Variants in TAB3 observed in about 807,000 individuals in gnomAD.
TAB3 encodes TGF-beta activated kinase 1 (MAP3K7) binding protein 3.
A neutral mutation model predicts 48.1 loss-of-function variants in TAB3; 18 were observed. That is an observed-to-expected ratio of 0.37 (90% CI 0.26 to 0.55). TAB3 has a LOEUF of 0.55. Ranked by LOEUF, TAB3 falls within the 20% of genes least tolerant of loss-of-function variation. The pLI, the probability that TAB3 is intolerant of heterozygous loss-of-function variation, is 0.78. For missense variants in TAB3, 414 were observed against 549.8 expected, an observed-to-expected ratio of 0.75 and a Z score of 2.47; for synonymous variants, 185 against 190.2, an observed-to-expected ratio of 0.97 and a Z score of 0.22.
chrX:30,831,847 G>C (rs1278788341), intron 10 of TAB3, among the ~76,000 whole-genome samples: 1 of 111,990 alleles, frequency 8.9e-6, no homozygotes, highest in African/African-American at 3.2e-5. Flanking sequence ...CCTGTAAATA[G>C]CGGAGAGTTA....
Position 30,855,082 on chromosome X carries a change from T to C in TAB3, c.583A>G (p.Ile195Val). 2.5e-6 allele frequency: 3 copies of C among 1,211,575 alleles called. No individual in the cohort carries two copies. Among genetic ancestry groups the C allele is most frequent in the Non-Finnish European group, 3.4e-6 (3 of 895,463 alleles). The stretch of plus-strand genomic sequence containing the variant: ...AGGTTCTGGGATACTGTAACAGTAA[T>C]TGGATTTGTACTATACCGAGGTATG... ...MHIPRYSTNP[I>V]TVTVSQNLPS... Residue 195 changes from isoleucine to valine, a missense_variant, in exon 6 of 11, where the codon ATT (isoleucine) becomes GTT (valine). Transcript: ENST00000288422.
intron 8 of TAB3, chrX:30,844,870 A>G (rs1459109165): frequency 8.9e-6 from 1 of 112,751 alleles, no homozygotes; most frequent in African/African-American, 3.2e-5. Context: ...TGCCTAGGCT[A>G]GAGTGCAGCG....
chrX:30,862,544 G>A (rs1939281145), intron 4 of TAB3, among the ~76,000 whole-genome samples: 1 of 111,648 alleles, frequency 9.0e-6, no homozygotes, highest in Non-Finnish European at 1.9e-5. Context: ...GAGATCTTGA[G>A]AGCGGCCAGC....
chrX:30,857,792 CT>C (rs1939124036), intron 5 of TAB3, among the ~76,000 whole-genome samples: 1 of 111,608 alleles, frequency 9.0e-6, no homozygotes, highest in Admixed American at 9.5e-5. Context: ...TGTTAAATGT[CT>C]TTAAAGAAAA....
At chrX:30,886,555 C>T (rs1428521595) in intron 1 of TAB3, among the ~76,000 whole-genome samples, 1 of 111,900 alleles carries the variant, frequency 8.9e-6, no homozygotes, top group Non-Finnish European at 1.9e-5. Flanking sequence ...ACACAAGACT[C>T]CTTTTTCTGT....
At chrX:30,845,002 A>G (rs1938575088) in intron 8 of TAB3, 1 of 111,920 alleles carries the variant, frequency 8.9e-6, no homozygotes, top group Non-Finnish European at 1.9e-5. Context: ...TTAAAAAATT[A>G]TTTGTAGGGA....
intron 1 of TAB3, among the ~76,000 whole-genome samples, chrX:30,873,264 G>C (rs1352423197): frequency 9.0e-6 from 1 of 111,468 alleles, no homozygotes; most frequent in Non-Finnish European, 1.9e-5. Context: ...ACGGCCGGGC[G>C]CGGTGGCTCA....
chrX:30,827,758 G>A lies in TAB3; in HGVS notation c.*3669C>T, dbSNP rs981256302. The A allele has an allele frequency of 5.4e-5, 6 of 112,136 alleles. No individual in the cohort carries two copies. Among genetic ancestry groups the A allele is most frequent in the Non-Finnish European group, 1.1e-4 (6 of 53,166 alleles). 9.2% of individuals were successfully genotyped at this position (112,136 alleles called of 1,213,427 possible). A position where few individuals can be genotyped will look rare whatever the true frequency, so the allele number is the denominator to read the frequency against. On this transcript the variant is annotated 3_prime_UTR_variant, in exon 11 of 11. Coordinates refer to ENST00000288422, the MANE Select transcript of TAB3 (RefSeq NM_152787.5). ...TTCATGGCTTTAGAATTAAAATTGA[G>A]TCATCATTCTATTAATCTCTGAATG...
At chrX:30,888,882 CCT>C (rs1456051684) in intron 1 of TAB3, among the ~76,000 whole-genome samples, 5 of 113,239 alleles carry the variant, frequency 4.4e-5, no homozygotes, top group Middle Eastern at 4.7e-3. Flanking sequence ...CTCCCTCTCC[CCT>C]CGGCCTCTCG....
At chrX:30,835,836 T>C (rs1938188499) in intron 9 of TAB3, 1 of 112,610 alleles carries the variant, frequency 8.9e-6, no homozygotes, top group Non-Finnish European at 1.9e-5. Flanking sequence ...AGATAAACTA[T>C]ATTAATTACA....
chrX:30,878,623 A>T (rs1268562066), intron 1 of TAB3, among the ~76,000 whole-genome samples: 3 of 111,636 alleles, frequency 2.7e-5, no homozygotes, highest in African/African-American at 9.8e-5. Flanking sequence ...ATCAATGGAC[A>T]TATATAGAAT....
intron 1 of TAB3, among the ~76,000 whole-genome samples, chrX:30,888,524 G>T (rs1340363780): frequency 8.9e-6 from 1 of 112,277 alleles, no homozygotes; most frequent in African/African-American, 3.2e-5. Flanking sequence ...GTAAACTACA[G>T]AACTCCAACT....
Position 30,859,500 on chromosome X carries a change from T to C in TAB3, c.89A>G (p.Gln30Arg). The change falls in exon 5 of 11, where the codon CAG becomes CGG. Residue 30 changes from glutamine to arginine, a missense_variant. Physicochemically the swap from Gln to Arg is conservative, Grantham distance 43. Coordinates refer to ENST00000288422, the MANE Select transcript of TAB3 (RefSeq NM_152787.5). Reference protein sequence around the residue: ...FPEIPEGVVSQCMLQNNNNLE... With the variant: ...FPEIPEGVVSRCMLQNNNNLE... The stretch of plus-strand genomic sequence containing the variant: ...TAGGTAACTTACCTGTAACATGCAC[T>C]GAGACACCACGCCCTCTGGAATTTC... The C allele has an allele frequency of 3.3e-6, 4 of 1,207,707 alleles. No homozygotes were observed. Among genetic ancestry groups the C allele is most frequent in the Non-Finnish European group, 4.5e-6 (4 of 892,676 alleles).
chrX:30,850,903 A>G (rs1444514639), intron 7 of TAB3, among the ~76,000 whole-genome samples: 1 of 110,804 alleles, frequency 9.0e-6, no homozygotes, highest in African/African-American at 3.3e-5. Context: ...AGTAGTTGCT[A>G]AATAAAATGT....
Position 30,831,548 on chromosome X carries a change from G to C in TAB3, c.2018C>G (p.Pro673Arg), listed in dbSNP as rs1938033228. 8.3e-7 allele frequency: 1 copy of C among 1,209,290 alleles called. No homozygotes were observed. The highest frequency in any genetic ancestry group is 1.8e-5 in the African/African-American group (1 of 57,014). ...GTCTTCATCTCGAGGTTGTGTCCGA[G>C]GACTTTGTGTGGAGCCAGTTCGATG... is the stretch of plus-strand genomic sequence containing the variant. ...DEHRTGSTQS[P>R]RTQPRDEDYE... The change falls in exon 11 of 11, where the codon CCT becomes CGT. Residue 673 changes from proline (P) to arginine (R), a missense_variant. By Grantham distance (103) the Pro-to-Arg change is moderately radical (BLOSUM62 -2). Transcript: ENST00000288422.
chrX:30,875,341 T>C (rs1939795693), intron 1 of TAB3, among the ~76,000 whole-genome samples: 1 of 112,207 alleles, frequency 8.9e-6, no homozygotes, highest in African/African-American at 3.2e-5. Flanking sequence ...ACCTATCATA[T>C]ACTTACCTCA....
At chrX:30,876,399 T>C (rs897395125) in intron 1 of TAB3, among the ~76,000 whole-genome samples, 3 of 112,585 alleles carry the variant, frequency 2.7e-5, no homozygotes, top group African/African-American at 9.7e-5. Flanking sequence ...CTCCAAGTAT[T>C]GGAATTATCA....
At chrX:30,846,468 C>G in intron 8 of TAB3, 83 bp downstream of exon 8, 1 of 698,069 alleles carries the variant, frequency 1.4e-6, no homozygotes, top group Non-Finnish European at 2.1e-6. Context: ...TCTCTTAAAT[C>G]TACAAAACCA....
chrX:30,847,326 C>T (rs1938660820), intron 7 of TAB3, among the ~76,000 whole-genome samples: 1 of 109,400 alleles, frequency 9.1e-6, no homozygotes, highest in South Asian at 3.9e-4. Flanking sequence ...CCATTTGTTC[C>T]CCAACTTTGT....
Sources: allele counts gnomAD v4.1 joint callset (sites outside exome capture counted in the v4.1 genomes callset), GRCh38; gene constraint gnomAD v4.1.1; transcripts MANE v1.5; gene names NCBI Gene and HGNC (gene_info 2026-07-23, HGNC 2026-07-21).